Variants in SMAP2 observed in about 807,000 individuals in gnomAD.
SMAP2 encodes small ArfGAP2, also known as stromal membrane-associated protein 2.
SMAP2 carries 25 observed loss-of-function variants against 56.4 expected under a neutral mutation model. The ratio of observed to expected loss-of-function variants is 0.44; its 90% CI spans 0.32 to 0.62. The LOEUF (loss-of-function observed/expected upper bound fraction) is 0.62. SMAP2 is among the 20% of genes least tolerant of loss of function. The pLI is 0.04. For missense variants in SMAP2, 388 were observed against 545.6 expected (o/e 0.71, Z 2.88); for synonymous variants, 157 against 181.7 (o/e 0.86, Z 1.09).
intron 1 of SMAP2, among the ~76,000 whole-genome samples, chr1:40,399,320 T>TTA (rs10694359): frequency 0.089 from 12,621 of 141,512 alleles, 619 homozygotes; most frequent in East Asian, 0.12. Context: ...ATTTTTTTTT[T>TTA]TTTTTTTTTT....
At chr1:40,349,798 C>T (rs1644403032) in intron 1 of SMAP2, among the ~76,000 whole-genome samples, 3 of 152,228 alleles carry the variant, frequency 2.0e-5, no homozygotes, top group South Asian at 4.1e-4. Context: ...GTATTATAGG[C>T]GTGAGCCACC....
chr1:40,371,304 T>C (rs749327056), upstream of SMAP2, among the ~76,000 whole-genome samples: 7 of 152,118 alleles, frequency 4.6e-5, no homozygotes, highest in Non-Finnish European at 7.4e-5. Context: ...AAATGTGTAC[T>C]TGGGAGGAGC....
At chr1:40,384,434 C>G (rs1052951132) in intron 1 of SMAP2, among the ~76,000 whole-genome samples, 1 of 152,188 alleles carries the variant, frequency 6.6e-6, no homozygotes, top group Non-Finnish European at 1.5e-5. Context: ...AAGGGCAGAG[C>G]TTTCCAAGTT....
intron 6 of SMAP2, 112 bp downstream of exon 6, chr1:40,414,352 C>G: frequency 1.1e-6 from 1 of 922,236 alleles, no homozygotes; most frequent in South Asian, 1.4e-5. Context: ...ATTGCCAAGA[C>G]TGTTCTCTCA....
chr1:40,412,885 C>T (rs548957779), intron 4 of SMAP2, 131 bp from the exon 5 acceptor site: 1 of 657,668 alleles, frequency 1.5e-6, no homozygotes, highest in East Asian at 2.9e-5. Flanking sequence ...CACCGCCCCC[C>T]AAGCTTGTCA....
At chr1:40,377,400 C>A (rs748942446) in intron 1 of SMAP2, among the ~76,000 whole-genome samples, 1 of 152,114 alleles carries the variant, frequency 6.6e-6, no homozygotes, top group East Asian at 1.9e-4. Context: ...GTCCTGGGCA[C>A]GAGTCTTACC....
At chr1:40,403,924 C>T (rs1410210163) in intron 1 of SMAP2, among the ~76,000 whole-genome samples, 1 of 152,050 alleles carries the variant, frequency 6.6e-6, no homozygotes, top group African/African-American at 2.4e-5. Context: ...CATAGGGAGA[C>T]CTTGTCTTTA....
chr1:40,403,303 T>G lies in SMAP2; in HGVS notation c.104-3433T>G, dbSNP rs1644854111. 3.3e-5 allele frequency among the ~76,000 whole-genome samples: 5 copies of G among 152,062 alleles called. 1 individual carries two copies. In the South Asian group the frequency reaches 1.0e-3, roughly 32 times the overall value. On this transcript the variant is annotated intron_variant, in intron 1 of 9. Transcript: ENST00000372718. ...GGTACATCACCAGAGGTCTGGAGTT[T>G]GAGACCAGCCTGGCCAACAAGGCGA...
chr1:40,403,686 C>T (rs776145646), intron 1 of SMAP2: 4 of 976,688 alleles, frequency 4.1e-6, no homozygotes, highest in Non-Finnish European at 4.9e-6. Context: ...TGTTCTAGGG[C>T]ACTGTGAGGT....
Position 40,405,532 on chromosome 1 carries a change from A to G in SMAP2, c.104-1204A>G, listed in dbSNP as rs536329876. 5.9e-5 allele frequency among the ~76,000 whole-genome samples: 9 copies of G among 152,210 alleles called. No homozygotes were observed. In the East Asian group the frequency reaches 1.3e-3, roughly 23 times the overall value. On this transcript the variant is annotated intron_variant, in intron 1 of 9. Coordinates refer to ENST00000372718, the MANE Select transcript of SMAP2 (RefSeq NM_022733.3). Reference sequence around the variant, plus strand: ...TAAAAACCTGCTAGCTAACCAAATAATTGTCTGTGTCCTAAAGAACTGAAG... The same window carrying G: ...TAAAAACCTGCTAGCTAACCAAATAGTTGTCTGTGTCCTAAAGAACTGAAG...
intron 1 of SMAP2, among the ~76,000 whole-genome samples, chr1:40,377,461 A>G (rs1284687750): frequency 6.6e-6 from 1 of 152,176 alleles, no homozygotes; most frequent in African/African-American, 2.4e-5. Flanking sequence ...GGGAAAGGAA[A>G]CTGCTTTGGG....
At chr1:40,357,319 G>A (rs1170386716) in intron 1 of SMAP2, among the ~76,000 whole-genome samples, 2 of 152,076 alleles carry the variant, frequency 1.3e-5, no homozygotes, top group South Asian at 2.1e-4. Flanking sequence ...GCCAGGCATG[G>A]TGACGTGTGC....
At chr1:40,400,245 T>G (rs1644818898) in intron 1 of SMAP2, among the ~76,000 whole-genome samples, 1 of 152,172 alleles carries the variant, frequency 6.6e-6, no homozygotes, top group Non-Finnish European at 1.5e-5. Context: ...CCATAGGAAT[T>G]GAGAGGCTGC....
intron 1 of SMAP2, among the ~76,000 whole-genome samples, chr1:40,355,717 G>A (rs1300247907): frequency 6.6e-6 from 1 of 152,020 alleles, no homozygotes; most frequent in Non-Finnish European, 1.5e-5. Flanking sequence ...TGACCTCCCA[G>A]GCTCAAGCAA....
intron 9 of SMAP2, among the ~76,000 whole-genome samples, chr1:40,418,120 G>A (rs1645007756): frequency 6.6e-6 from 1 of 152,140 alleles, no homozygotes; most frequent in Non-Finnish European, 1.5e-5. Context: ...TTAAACATTT[G>A]CAGATAAGAC....
At chr1:40,396,539 A>G (rs187244502) in intron 1 of SMAP2, among the ~76,000 whole-genome samples, 1 of 152,298 alleles carries the variant, frequency 6.6e-6, no homozygotes, top group Admixed American at 6.5e-5. Context: ...TCAACAGTAC[A>G]AATGTGGACA....
At chr1:40,401,996 A>G (rs1644839186) in intron 1 of SMAP2, among the ~76,000 whole-genome samples, 1 of 152,172 alleles carries the variant, frequency 6.6e-6, no homozygotes, top group African/African-American at 2.4e-5. Flanking sequence ...CTCCTGTTGA[A>G]TATGTGCACT....
rs1644650198 is a variant in SMAP2 at position 40,386,000 on chromosome 1, G to A, written c.103+11777G>A. On this transcript the variant is annotated intron_variant, in intron 1 of 9. Transcript: ENST00000372718. The surrounding 1 kb of genome is among the most constrained non-coding windows in gnomAD (Gnocchi z 4.5). ...AAAATAATTTCTTACAGAATTTTCT[G>A]TGTGAACTGGTGACATCATATGCTG... Among the ~76,000 whole-genome samples the A allele has an allele frequency of 6.6e-6, 1 of 152,198 alleles. No individual in the cohort carries two copies. The highest frequency in any genetic ancestry group is 1.5e-5 in the Non-Finnish European group (1 of 68,034).
rs141820327 is a variant in SMAP2 at position 40,387,582 on chromosome 1, G to A, written c.103+13359G>A. Among the ~76,000 whole-genome samples the A allele has an allele frequency of 8.9e-4, 135 of 151,334 alleles. 1 individual carries two copies. Among genetic ancestry groups the A allele is most frequent in the African/African-American group, 3.1e-3 (129 of 41,338 alleles). Reference sequence around the variant, plus strand: ...GAATGGGGAATTCGGGAGAACCCTGGTTTCCCCATAAGGGACCTAAGGAAC... The same window carrying A: ...GAATGGGGAATTCGGGAGAACCCTGATTTCCCCATAAGGGACCTAAGGAAC... On this transcript the variant is annotated intron_variant, in intron 1 of 9. Coordinates refer to ENST00000372718, the MANE Select transcript of SMAP2 (RefSeq NM_022733.3).
Sources: gnomAD v4.1 joint callset for allele counts (sites outside exome capture counted in the v4.1 genomes callset) on GRCh38, gnomAD v4.1.1 for gene constraint, Gnocchi (gnomAD v3.1) non-coding constraint, MANE v1.5 for transcripts, NCBI Gene and HGNC (gene_info 2026-07-23, HGNC 2026-07-21) for gene names.